IMPA2: variants seen among roughly 807,000 people sequenced by gnomAD.
The protein encoded by IMPA2 is IMP 2.
Under a neutral mutation model 35.1 loss-of-function variants are expected in IMPA2, and 32 were observed. The observed-to-expected ratio is 0.91, with a 90% confidence interval of 0.69 to 1.23. IMPA2 has a LOEUF of 1.23. IMPA2 is among the 50% of genes most tolerant of loss of function. The pLI, the probability that IMPA2 is intolerant of heterozygous loss-of-function variation, is 0.00. For missense variants in IMPA2, 334 were observed against 387.6 expected, an observed-to-expected ratio of 0.86 and a Z score of 1.16; for synonymous variants, 135 against 160.6, an observed-to-expected ratio of 0.84 and a Z score of 1.20.
chr18:12,018,127 G>C (rs577996926), intron 5 of IMPA2: 17 of 155,242 alleles, frequency 1.1e-4, no homozygotes, highest in Non-Finnish European at 2.1e-4. Flanking sequence ...TTTTAGTGGA[G>C]ACAGGGTTTT....
intron 5 of IMPA2, among the ~76,000 whole-genome samples, chr18:12,023,181 G>T (rs945462273): frequency 1.8e-4 from 28 of 152,238 alleles, no homozygotes; most frequent in African/African-American, 6.7e-4. Flanking sequence ...AGAAGAAGGT[G>T]CTGGATTCAG....
At chr18:11,990,634 C>A (rs1016665193) in intron 1 of IMPA2, among the ~76,000 whole-genome samples, 5 of 152,072 alleles carry the variant, frequency 3.3e-5, no homozygotes, top group African/African-American at 1.2e-4. Flanking sequence ...CTTGATGAGT[C>A]GTACATTGAA....
Position 11,981,567 on chromosome 18 carries a change from C to G in IMPA2, c.-103C>G. 2 of 720,728 alleles carry G rather than the reference C, an allele frequency of 2.8e-6. No homozygotes were observed. The highest frequency in any genetic ancestry group is 3.8e-6 in the Non-Finnish European group (2 of 523,128). The allele number at this position is 720,728 out of a possible 1,614,324, so 44.6% of individuals were successfully genotyped here. A position where few individuals can be genotyped will look rare whatever the true frequency, so the allele number is the denominator to read the frequency against. ...CGGACTAGGCACAGAGCTGCGGGAG[C>G]AGGCACAGGGAGTGTGGAGCCTGGC... On this transcript the variant is annotated 5_prime_UTR_variant, in exon 1 of 8. Coordinates refer to ENST00000269159, the MANE Select transcript of IMPA2 (RefSeq NM_014214.3).
At chr18:12,004,174 G>A (rs979824617) in intron 2 of IMPA2, among the ~76,000 whole-genome samples, 9 of 152,314 alleles carry the variant, frequency 5.9e-5, no homozygotes, top group East Asian at 1.9e-4. Context: ...GCAGTGGCTT[G>A]TGAAGATGGG....
At chr18:12,023,830 C>T (rs1236865892) in intron 5 of IMPA2, among the ~76,000 whole-genome samples, 1 of 152,174 alleles carries the variant, frequency 6.6e-6, no homozygotes, top group Non-Finnish European at 1.5e-5. Flanking sequence ...CCAGGGTGAG[C>T]CTGCCTGTTA....
chr18:12,003,675 A>G (rs1308875646), intron 2 of IMPA2, among the ~76,000 whole-genome samples: 45 of 74,712 alleles, frequency 6.0e-4, no homozygotes, highest in African/African-American at 3.8e-3. Flanking sequence ...GAAAAGGAAA[A>G]AAAAAAAAAA....
At chr18:12,011,022 C>T (rs1368954762) in intron 3 of IMPA2, among the ~76,000 whole-genome samples, 1 of 152,166 alleles carries the variant, frequency 6.6e-6, no homozygotes, top group Non-Finnish European at 1.5e-5. Context: ...CAGAGTATGT[C>T]ACTGAGTGGA....
intron 1 of IMPA2, among the ~76,000 whole-genome samples, chr18:11,998,570 A>G (rs972718583): frequency 1.3e-5 from 2 of 152,238 alleles, no homozygotes; most frequent in African/African-American, 2.4e-5. Context: ...GATAAAGTGA[A>G]TTAGGGAAAA....
intron 2 of IMPA2, 96 bp downstream of exon 2, chr18:11,999,283 G>A (rs1200144443): frequency 2.2e-5 from 27 of 1,239,972 alleles, no homozygotes; most frequent in Non-Finnish European, 3.0e-5. Flanking sequence ...GCTGTTTGTT[G>A]ATGTGGCCAG....
chr18:11,990,180 G>A (rs1175664498), intron 1 of IMPA2, among the ~76,000 whole-genome samples: 3 of 152,168 alleles, frequency 2.0e-5, no homozygotes, highest in East Asian at 3.9e-4. Flanking sequence ...TGCCATGAGC[G>A]CTGCAGGAGG....
chr18:11,987,680 G>T (rs560338209), intron 1 of IMPA2, among the ~76,000 whole-genome samples: 16 of 152,150 alleles, frequency 1.1e-4, no homozygotes, highest in Non-Finnish European at 2.2e-4. Context: ...AAGTTAATAC[G>T]GGTAACGTTG....
chr18:12,008,242 C>T (rs1035189568), intron 2 of IMPA2: 9 of 470,464 alleles, frequency 1.9e-5, no homozygotes, highest in South Asian at 3.0e-5. Flanking sequence ...GTGATCTGCC[C>T]GCCTTGGCCT....
intron 1 of IMPA2, among the ~76,000 whole-genome samples, chr18:11,992,589 CCCATATTTTATATGTTATACATTAACA>C (rs147045677): frequency 0.011 from 1,739 of 152,138 alleles, 25 homozygotes; most frequent in African/African-American, 0.04. Context: ...TGACTTCAGG[CCCATATTTTATATGTTATACATTAACA>C]GAATGCTACT....
intron 1 of IMPA2, among the ~76,000 whole-genome samples, chr18:11,992,845 G>C (rs1906855635): frequency 6.6e-6 from 1 of 152,152 alleles, no homozygotes; most frequent in African/African-American, 2.4e-5. Flanking sequence ...CGTGATCCTG[G>C]CTAAAGGGCA....
chr18:11,989,448 A>C (rs1906752809), intron 1 of IMPA2, among the ~76,000 whole-genome samples: 1 of 152,336 alleles, frequency 6.6e-6, no homozygotes. Flanking sequence ...CAACATTTCA[A>C]ACATCAGCAG....
chr18:11,986,178 CT>C (rs1032034757), intron 1 of IMPA2, among the ~76,000 whole-genome samples: 18 of 152,220 alleles, frequency 1.2e-4, no homozygotes, highest in African/African-American at 4.3e-4. Context: ...CTTGCACACC[CT>C]TGCAGGTTAT....
rs997190470 is a variant in IMPA2, at chr18:11,981,524, C to T, written c.-146C>T. On this transcript the variant is annotated 5_prime_UTR_variant, in exon 1 of 8. Transcript: ENST00000269159. ...CCGCTGGCTGCCCTTCCCGCCAGCG[C>T]AGGTGTGGGACGGGCGGCGGACTAG... The T allele has an allele frequency of 1.7e-5, 8 of 471,352 alleles. No homozygotes were observed. The East Asian group carries it at 2.9e-4, about 17-fold the overall frequency. The allele number at this position is 471,352 out of a possible 1,614,324, so 29.2% of individuals were successfully genotyped here.
rs1301059346 is a variant in IMPA2 at position 12,010,018 on chromosome 18, G to A, written c.335+31G>A. ...CTGAGCAGGGATCGCCTCCATTGCAGGGCTTAACATGTCCTCTTCTGTGAG... is the reference window on the plus strand; with the variant it reads ...CTGAGCAGGGATCGCCTCCATTGCAAGGCTTAACATGTCCTCTTCTGTGAG... On this transcript the variant is annotated intron_variant, in intron 3 of 7. Coordinates refer to ENST00000269159, the MANE Select transcript of IMPA2 (RefSeq NM_014214.3). This position sits in a 1 kb window ranked among gnomAD's most constrained non-coding sequence, Gnocchi z 4.8. The A allele has an allele frequency of 6.6e-7, 1 of 1,510,022 alleles. No individual in the cohort carries two copies. The highest frequency in any genetic ancestry group is 1.7e-5 in the Admixed American group (1 of 59,758). The allele number at this position is 1,510,022 out of a possible 1,614,324, so 93.5% of individuals were successfully genotyped here.
At position 12,009,923 on chromosome 18, in the gene IMPA2, G is replaced by T; in HGVS notation, c.271G>T (p.Val91Leu). Residue 91 changes from valine (V) to leucine (L), a missense_variant, in exon 3 of 8, where the codon GTG becomes TTG. Physicochemically the swap from Val to Leu is conservative, Grantham distance 32. Transcript: ENST00000269159. ...GGCCGCGGCTTCTGGGGCCAAGTGT[G>T]TGCTCACCCACAGCCCGACGTGGAT... is the stretch of plus-strand genomic sequence containing the variant. ...EEAAASGAKC[V>L]LTHSPTWIID... 1.2e-6 allele frequency: 2 copies of T among 1,614,174 alleles called. No homozygotes were observed. Among genetic ancestry groups the T allele is most frequent in the African/African-American group, 2.7e-5 (2 of 75,044 alleles).
Sources: allele counts gnomAD v4.1 joint callset (sites outside exome capture counted in the v4.1 genomes callset), GRCh38; gene constraint gnomAD v4.1.1; non-coding constraint Gnocchi (gnomAD v3.1); transcripts MANE v1.5; gene names NCBI Gene and HGNC (gene_info 2026-07-23, HGNC 2026-07-21).